Variants in PCCA observed in about 807,000 individuals in gnomAD.
PCCA encodes propionyl-CoA carboxylase subunit alpha, also known as propionyl-CoA carboxylase alpha chain, mitochondrial.
Under a neutral mutation model 101.3 loss-of-function variants are expected in PCCA, and 74 were observed. The ratio of observed to expected loss-of-function variants is 0.73; its 90% CI spans 0.61 to 0.89. The LOEUF is 0.89. Ranked by LOEUF, PCCA falls within the 40% of genes least tolerant of loss-of-function variation. The pLI is 0.00. For synonymous variants in PCCA, 294 were observed against 313.6 expected, an observed-to-expected ratio of 0.94 and a Z score of 0.66; for missense variants, 891 against 907.0, an observed-to-expected ratio of 0.98 and a Z score of 0.23.
At chr13:100,237,303 T>C (rs1226630161) in intron 8 of PCCA, 1 of 152,260 alleles carries the variant, frequency 6.6e-6, no homozygotes, top group Non-Finnish European at 1.5e-5. Flanking sequence ...ATTAAGTGTG[T>C]TTTGTTGTTT....
chr13:100,448,795 A>G (rs957464625), intron 20 of PCCA, among the ~76,000 whole-genome samples: 30 of 152,240 alleles, frequency 2.0e-4, no homozygotes, highest in Admixed American at 1.3e-3. Flanking sequence ...TTATTGAGAT[A>G]TAATTCACAC....
chr13:100,262,626 G>C (rs962024166), intron 9 of PCCA, 103 bp from the exon 10 acceptor site: 6 of 721,798 alleles, frequency 8.3e-6, no homozygotes, highest in Admixed American at 4.3e-5. Flanking sequence ...CTTTTATAAT[G>C]ATAGCTCTAT....
At chr13:100,232,503 C>CCCAAGTAG (rs1350633657) in intron 7 of PCCA, among the ~76,000 whole-genome samples, 5 of 152,026 alleles carry the variant, frequency 3.3e-5, no homozygotes, top group Admixed American at 6.6e-5. Context: ...GCCTCAGCCT[C>CCCAAGTAG]CCAAGTAGCT....
intron 21 of PCCA, chr13:100,480,988 C>T (rs1361169420): frequency 6.6e-6 from 1 of 152,206 alleles, no homozygotes; most frequent in Non-Finnish European, 1.5e-5. Context: ...GCCTTTAATG[C>T]CTTTTCCATT....
At position 100,530,258 on chromosome 13, in the gene PCCA, C is replaced by G; in HGVS notation, c.*92C>G. The G allele has an allele frequency of 9.9e-7, 1 of 1,008,708 alleles. No homozygotes were observed. The highest frequency in any genetic ancestry group is 1.6e-6 in the Non-Finnish European group (1 of 637,238). The allele number at this position is 1,008,708 out of a possible 1,614,324, so 62.5% of individuals were successfully genotyped here. A position where few individuals can be genotyped will look rare whatever the true frequency, so the allele number is the denominator to read the frequency against. On this transcript the variant is annotated 3_prime_UTR_variant, in exon 24 of 24. Coordinates refer to ENST00000376285, the MANE Select transcript of PCCA (RefSeq NM_000282.4). ...TTGATTCAAGCATTATACAGGAACACCCCTGTGCAGCTACGTTTACGTCGT... is the reference window on the plus strand; with the variant it reads ...TTGATTCAAGCATTATACAGGAACAGCCCTGTGCAGCTACGTTTACGTCGT...
chr13:100,381,820 A>G (rs570246890), intron 19 of PCCA, among the ~76,000 whole-genome samples: 1 of 152,284 alleles, frequency 6.6e-6, no homozygotes, highest in African/African-American at 2.4e-5. Flanking sequence ...AACTCCACTC[A>G]TTTGCACCTG....
At chr13:100,477,059 GT>G (rs1213861931) in intron 21 of PCCA, among the ~76,000 whole-genome samples, 1 of 152,114 alleles carries the variant, frequency 6.6e-6, no homozygotes, top group African/African-American at 2.4e-5. Flanking sequence ...TATACAAAAG[GT>G]AATTTACCGG....
At chr13:100,504,455 C>T (rs995450430) in intron 21 of PCCA, among the ~76,000 whole-genome samples, 3 of 152,172 alleles carry the variant, frequency 2.0e-5, no homozygotes, top group African/African-American at 7.2e-5. Flanking sequence ...TGTACGCGGG[C>T]GTGAGAGCGA....
intron 4 of PCCA, among the ~76,000 whole-genome samples, chr13:100,142,513 C>T (rs368008022): frequency 3.4e-5 from 5 of 145,094 alleles, no homozygotes; most frequent in Non-Finnish European, 7.5e-5. Context: ...CTTGCTCTGT[C>T]TCCCAGGCTG....
intron 6 of PCCA, among the ~76,000 whole-genome samples, chr13:100,190,986 A>G (rs144215437): frequency 1.4e-3 from 210 of 152,140 alleles, no homozygotes; most frequent in Middle Eastern, 0.014. Context: ...AGTCCCAGCT[A>G]CTTTGGAGGC....
At chr13:100,463,745 C>A (rs2082327688) in intron 21 of PCCA, among the ~76,000 whole-genome samples, 1 of 152,080 alleles carries the variant, frequency 6.6e-6, no homozygotes, top group Non-Finnish European at 1.5e-5. Flanking sequence ...GAGGCCAGGC[C>A]CAGAATGGAG....
intron 21 of PCCA, among the ~76,000 whole-genome samples, chr13:100,455,257 G>A (rs947217431): frequency 2.6e-5 from 4 of 152,208 alleles, no homozygotes; most frequent in Admixed American, 2.6e-4. Flanking sequence ...CTACTAGCCT[G>A]AAGAGTTTTT....
chr13:100,096,615 G>A (rs949069813), intron 1 of PCCA, among the ~76,000 whole-genome samples: 6 of 152,180 alleles, frequency 3.9e-5, no homozygotes, highest in Admixed American at 6.6e-5. Flanking sequence ...TGAAAGTTGG[G>A]CCTCTTGTGC....
At position 100,204,391 on chromosome 13, in the gene PCCA, C is replaced by T. The variant is rs990783890; in HGVS notation, c.469-4941C>T. Reference sequence around the variant, plus strand: ...CTGAGCTCGTGCAGCTCACCTGCCTCGGCCTCCCAAAGTGCTGAGATTACA... The same window carrying T: ...CTGAGCTCGTGCAGCTCACCTGCCTTGGCCTCCCAAAGTGCTGAGATTACA... On this transcript the variant is annotated intron_variant, in intron 6 of 23. Coordinates refer to ENST00000376285, the MANE Select transcript of PCCA (RefSeq NM_000282.4). Among the ~76,000 whole-genome samples, 84 of 152,208 alleles carry T rather than the reference C, an allele frequency of 5.5e-4. 1 individual carries two copies. Among genetic ancestry groups the T allele is most frequent in the Non-Finnish European group, 1.5e-4 (10 of 68,038 alleles).
intron 21 of PCCA, among the ~76,000 whole-genome samples, chr13:100,513,633 T>C (rs756126560): frequency 2.4e-4 from 37 of 152,252 alleles, no homozygotes; most frequent in Non-Finnish European, 5.0e-4. Flanking sequence ...AACTTAGTTT[T>C]TGGAGTATAT....
rs555442576 is a variant in PCCA at position 100,105,344 on chromosome 13, G to T, written c.183+2384G>T. ...TCTTCATCATAGGTGATATGCTTTG[G>T]GGTTCATGTATCCATGTGTTGCATT... On this transcript the variant is annotated intron_variant, in intron 2 of 23. Coordinates refer to ENST00000376285, the MANE Select transcript of PCCA (RefSeq NM_000282.4). Among the ~76,000 whole-genome samples the T allele has an allele frequency of 1.1e-4, 16 of 152,192 alleles. 1 individual carries two copies. In the South Asian group the frequency reaches 3.3e-3, roughly 32 times the overall value.
intron 2 of PCCA, among the ~76,000 whole-genome samples, chr13:100,108,203 A>T (rs1189276070): frequency 1.3e-5 from 2 of 152,200 alleles, no homozygotes; most frequent in Non-Finnish European, 2.9e-5. Context: ...TTAAGAGAAA[A>T]ATAACAACAG....
intron 18 of PCCA, among the ~76,000 whole-genome samples, chr13:100,356,381 A>C (rs1315772754): frequency 6.6e-6 from 1 of 152,162 alleles, no homozygotes; most frequent in Non-Finnish European, 1.5e-5. Context: ...TCTTTTGTCT[A>C]GTATAGGGAA....
chr13:100,235,198 C>G (rs1373915021), intron 7 of PCCA, among the ~76,000 whole-genome samples: 1 of 150,084 alleles, frequency 6.7e-6, no homozygotes, highest in Non-Finnish European at 1.5e-5. Context: ...GTTTTTTCCT[C>G]CAGTAGTTGG....
Sources: gnomAD v4.1 joint callset for allele counts (sites outside exome capture counted in the v4.1 genomes callset) on GRCh38, gnomAD v4.1.1 for gene constraint, MANE v1.5 for transcripts, NCBI Gene and HGNC (gene_info 2026-07-23, HGNC 2026-07-21) for gene names.